CHD6: variants seen among roughly 807,000 people sequenced by gnomAD.
CHD6 encodes the protein ATP-dependent chromatin remodeler CHD6.
CHD6 carries 50 observed loss-of-function variants against 276.9 expected under a neutral mutation model. That is an observed-to-expected ratio of 0.18 (90% confidence interval 0.14 to 0.23). The LOEUF (loss-of-function observed/expected upper bound fraction) is 0.23. Ranked by LOEUF, CHD6 falls within the 10% of genes least tolerant of loss-of-function variation. The probability of loss-of-function intolerance (pLI) is 1.00; values close to 1 mark genes in which losing one functional copy is unlikely to be tolerated. For synonymous variants in CHD6, 1,173 were observed against 1,229.3 expected (o/e 0.95, Z 0.96); for missense variants, 2,564 against 3,365.8 (o/e 0.76, Z 5.89).
intron 2 of CHD6, among the ~76,000 whole-genome samples, chr20:41,542,574 T>C (rs1169782449): frequency 6.6e-6 from 1 of 151,878 alleles, no homozygotes; most frequent in East Asian, 1.9e-4. Context: ...GCGCCTGTAG[T>C]CCCAGCTACT....
intron 10 of CHD6, 132 bp downstream of exon 10, chr20:41,493,406 G>T: frequency 1.1e-6 from 1 of 888,606 alleles, no homozygotes; most frequent in Non-Finnish European, 1.7e-6. Flanking sequence ...TGAATTGAGG[G>T]TTCAATGAGA....
At chr20:41,491,030 C>G (rs2043539967) in intron 11 of CHD6, among the ~76,000 whole-genome samples, 1 of 151,944 alleles carries the variant, frequency 6.6e-6, no homozygotes, top group Non-Finnish European at 1.5e-5. Flanking sequence ...GGAAGTTGCT[C>G]TGGGTGAGTG....
chr20:41,536,690 A>G (rs553529589), intron 2 of CHD6, among the ~76,000 whole-genome samples: 1 of 152,216 alleles, frequency 6.6e-6, no homozygotes, highest in Non-Finnish European at 1.5e-5. Context: ...AAAAACCATT[A>G]AATTTCAGTA....
chr20:41,489,946 A>C lies in CHD6; in HGVS notation c.1512T>G (p.Phe504Leu). The C allele has an allele frequency of 6.2e-7, 1 of 1,614,080 alleles. No individual in the cohort carries two copies. Among genetic ancestry groups the C allele is most frequent in the Non-Finnish European group, 8.5e-7 (1 of 1,179,952 alleles). ...IQSITFLSEI[F>L]LRGIHGPFLI... ...GAAAAGGGCCGTGGATTCCTCTCAG[A>C]AATATTTCTGAAAGGAATGTGATGG... The change falls in exon 12 of 37, where the codon TTT becomes TTG. Residue 504 changes from phenylalanine (F) to leucine (L), a missense_variant. Coordinates refer to ENST00000373233, the MANE Select transcript of CHD6 (RefSeq NM_032221.5).
intron 2 of CHD6, among the ~76,000 whole-genome samples, chr20:41,534,324 C>T (rs2044771092): frequency 2.0e-5 from 3 of 152,182 alleles, no homozygotes; most frequent in South Asian, 4.1e-4. Context: ...TTGTGAGGAA[C>T]CTGCTCTCTT....
chr20:41,482,823 G>A (rs1194375827), intron 16 of CHD6, among the ~76,000 whole-genome samples: 1 of 152,102 alleles, frequency 6.6e-6, no homozygotes, highest in African/African-American at 2.4e-5. Flanking sequence ...GGATGCCATA[G>A]CCAGTGCATC....
At chr20:41,454,294 G>GA (rs2048324452) in intron 20 of CHD6, among the ~76,000 whole-genome samples, 1 of 152,224 alleles carries the variant, frequency 6.6e-6, no homozygotes, top group Non-Finnish European at 1.5e-5. Context: ...TTCTCTCACA[G>GA]AAAGTGTTGA....
intron 2 of CHD6, among the ~76,000 whole-genome samples, chr20:41,539,936 T>C (rs192931131): frequency 3.2e-4 from 48 of 152,346 alleles, no homozygotes; most frequent in African/African-American, 7.2e-4. Flanking sequence ...AGAAAACCTA[T>C]GGTCTAATCA....
At chr20:41,542,247 G>A (rs2146113826) in intron 2 of CHD6, among the ~76,000 whole-genome samples, 1 of 152,296 alleles carries the variant, frequency 6.6e-6, no homozygotes. Flanking sequence ...ATCTAGTGGG[G>A]TGAATAAGAC....
chr20:41,504,086 A>AAAAAAAAAAAAG (rs2043912744), intron 5 of CHD6, among the ~76,000 whole-genome samples: 1 of 148,252 alleles, frequency 6.7e-6, no homozygotes, highest in African/African-American at 2.5e-5. Flanking sequence ...TCAAAAAAAA[A>AAAAAAAAAAAAG]AAAAAAAAAA....
intron 27 of CHD6, among the ~76,000 whole-genome samples, chr20:41,428,034 C>T (rs751295108): frequency 6.6e-6 from 1 of 152,144 alleles, no homozygotes; most frequent in South Asian, 2.1e-4. Flanking sequence ...CATCATCATA[C>T]CCCAAGTCCA....
At chr20:41,499,204 A>G (rs2043770886) in intron 6 of CHD6, 91 bp downstream of exon 6, 1 of 942,322 alleles carries the variant, frequency 1.1e-6, no homozygotes, top group African/African-American at 1.7e-5. Flanking sequence ...CCAGCCAATA[A>G]TGGTCATTCT....
At chr20:41,547,587 C>A in intron 2 of CHD6, 1 of 539,798 alleles carries the variant, frequency 1.9e-6, no homozygotes, top group East Asian at 4.8e-5. Context: ...CTGGAAGGGT[C>A]TAAGGATTAC....
At chr20:41,561,777 C>G (rs1009064678) in intron 1 of CHD6, among the ~76,000 whole-genome samples, 1 of 152,298 alleles carries the variant, frequency 6.6e-6, no homozygotes, top group Non-Finnish European at 1.5e-5. Flanking sequence ...GAGCACTACT[C>G]CATTGTTCTA....
intron 26 of CHD6, among the ~76,000 whole-genome samples, chr20:41,437,715 T>A (rs1305525851): frequency 6.6e-6 from 1 of 152,158 alleles, no homozygotes; most frequent in Non-Finnish European, 1.5e-5. Context: ...GATACCAATA[T>A]CGGCAGATGA....
At chr20:41,449,445 C>T (rs4142393) in intron 23 of CHD6, among the ~76,000 whole-genome samples, 95,877 of 152,072 alleles carry the variant, frequency 0.63, 33,038 homozygotes, top group East Asian at 0.91. Context: ...AATGTGTTGA[C>T]GTCTAACAAT....
chr20:41,429,097 A>G (rs1213065069), intron 27 of CHD6, among the ~76,000 whole-genome samples: 3 of 152,176 alleles, frequency 2.0e-5, no homozygotes, highest in Non-Finnish European at 4.4e-5. Flanking sequence ...AGCACCTGAG[A>G]TGTCACAGCC....
At chr20:41,579,918 T>C (rs564954919) in intron 1 of CHD6, among the ~76,000 whole-genome samples, 4 of 152,116 alleles carry the variant, frequency 2.6e-5, no homozygotes, top group Non-Finnish European at 4.4e-5. Context: ...AAGAAAAAAA[T>C]TGGGTTTTTG....
chr20:41,430,231 G>A (rs1428905055), intron 27 of CHD6, among the ~76,000 whole-genome samples: 1 of 152,186 alleles, frequency 6.6e-6, no homozygotes, highest in African/African-American at 2.4e-5. Flanking sequence ...CATTTCAACT[G>A]CTTTTAATGA....
Sources: allele counts gnomAD v4.1 joint callset (sites outside exome capture counted in the v4.1 genomes callset), GRCh38; gene constraint gnomAD v4.1.1; transcripts MANE v1.5; gene names NCBI Gene and HGNC (gene_info 2026-07-23, HGNC 2026-07-21).